UBE2H: variants seen among roughly 807,000 people sequenced by gnomAD.
The protein encoded by UBE2H is ubiquitin-conjugating enzyme E2 H.
Under a neutral mutation model 29.0 loss-of-function variants are expected in UBE2H, and 3 were observed. The observed-to-expected ratio is 0.10, with a 90% CI of 0.05 to 0.27. UBE2H has a LOEUF of 0.27. Ranked by LOEUF, UBE2H falls within the 10% of genes least tolerant of loss-of-function variation. UBE2H has a pLI of 1.00. For missense variants in UBE2H, 68 were observed against 228.2 expected (o/e 0.30, Z 4.52); for synonymous variants, 69 against 82.9 (o/e 0.83, Z 0.91).
At chr7:129,849,701 T>C (rs529853843) in intron 5 of UBE2H, among the ~76,000 whole-genome samples, 1 of 152,336 alleles carries the variant, frequency 6.6e-6, no homozygotes, top group South Asian at 2.1e-4. Flanking sequence ...CCAGACTTCC[T>C]GCAGTGCTGT....
Position 129,877,410 on chromosome 7 carries a change from G to C in UBE2H, c.205+2158C>G, listed in dbSNP as rs1806167142. On this transcript the variant is annotated intron_variant, in intron 3 of 6. Coordinates refer to ENST00000355621, the MANE Select transcript of UBE2H (RefSeq NM_003344.4). Reference sequence around the variant, plus strand: ...AGGAATCCTTGCCTTTTCTAAGTGAGCCACAACCTTTCTGAATGCTTAAAG... The same window carrying C: ...AGGAATCCTTGCCTTTTCTAAGTGACCCACAACCTTTCTGAATGCTTAAAG... Among the ~76,000 whole-genome samples, 3 of 152,126 alleles carry C rather than the reference G, an allele frequency of 2.0e-5. No homozygotes were observed. In the South Asian group the frequency reaches 6.2e-4, roughly 32 times the overall value.
chr7:129,922,523 C>T (rs1049040895), intron 1 of UBE2H, among the ~76,000 whole-genome samples: 1 of 152,126 alleles, frequency 6.6e-6, no homozygotes, highest in Non-Finnish European at 1.5e-5. Context: ...GTGATCCACC[C>T]GCCTCGGCTT....
At chr7:129,858,378 T>C (rs879672520) in intron 4 of UBE2H, among the ~76,000 whole-genome samples, 3 of 152,028 alleles carry the variant, frequency 2.0e-5, no homozygotes, top group Non-Finnish European at 4.4e-5. Flanking sequence ...CAAATTAAAA[T>C]TGCATCCCAA....
At chr7:129,838,674 C>T (rs1805372877) in intron 6 of UBE2H, among the ~76,000 whole-genome samples, 1 of 152,100 alleles carries the variant, frequency 6.6e-6, no homozygotes, top group Admixed American at 6.6e-5. Context: ...GAATCTTGCT[C>T]TGTCACCCAG....
intron 5 of UBE2H, among the ~76,000 whole-genome samples, chr7:129,848,711 T>C (rs1461254776): frequency 1.3e-5 from 2 of 152,228 alleles, no homozygotes; most frequent in Non-Finnish European, 2.9e-5. Context: ...CGTCATGAAC[T>C]GCCACGCAAG....
chr7:129,887,355 G>A (rs1806384849), intron 1 of UBE2H, among the ~76,000 whole-genome samples: 1 of 151,644 alleles, frequency 6.6e-6, no homozygotes, highest in South Asian at 2.1e-4. Flanking sequence ...CCGAGTAGCT[G>A]GGATTACAGG....
chr7:129,848,366 C>T (rs1033487994), intron 5 of UBE2H, among the ~76,000 whole-genome samples: 1 of 152,248 alleles, frequency 6.6e-6, no homozygotes, highest in Non-Finnish European at 1.5e-5. Flanking sequence ...AGGAGGACTC[C>T]TGGCTTTCCA....
chr7:129,931,679 C>T (rs919505058), intron 1 of UBE2H, among the ~76,000 whole-genome samples: 1 of 152,034 alleles, frequency 6.6e-6, no homozygotes, highest in Non-Finnish European at 1.5e-5. Flanking sequence ...GAAAAGAGTA[C>T]TTTAACAGAC....
At chr7:129,881,243 T>G (rs2116373153) in intron 1 of UBE2H, among the ~76,000 whole-genome samples, 1 of 152,352 alleles carries the variant, frequency 6.6e-6, no homozygotes, top group East Asian at 1.9e-4. Context: ...GTTTACTCCC[T>G]GAGTCTTTGT....
intron 1 of UBE2H, among the ~76,000 whole-genome samples, chr7:129,935,720 C>T (rs964373967): frequency 6.6e-6 from 1 of 152,122 alleles, no homozygotes; most frequent in Non-Finnish European, 1.5e-5. Flanking sequence ...ACAGACATTA[C>T]TAGGCTGTTG....
At chr7:129,840,818 C>G (rs1353904273) in intron 5 of UBE2H, among the ~76,000 whole-genome samples, 1 of 152,196 alleles carries the variant, frequency 6.6e-6, no homozygotes, top group Non-Finnish European at 1.5e-5. Flanking sequence ...TCAGCTCTTT[C>G]AACCAATTTT....
Position 129,910,844 on chromosome 7 carries a change from C to T in UBE2H, c.54-29873G>A, listed in dbSNP as rs368969046. 7.2e-5 allele frequency among the ~76,000 whole-genome samples: 11 copies of T among 151,962 alleles called. No individual in the cohort carries two copies. The East Asian group carries it at 1.2e-3, about 16-fold the overall frequency. On this transcript the variant is annotated intron_variant, in intron 1 of 6. Transcript: ENST00000355621. ...TTGCAGTGAGCAGAGAGCACACCAC[C>T]GTACTCCAGCCTGGGTGACAGAGTA...
At chr7:129,849,185 T>C (rs1375977672) in intron 5 of UBE2H, among the ~76,000 whole-genome samples, 2 of 152,010 alleles carry the variant, frequency 1.3e-5, no homozygotes, top group Non-Finnish European at 2.9e-5. Context: ...CCCTAAAAGA[T>C]GACAGACAGC....
intron 1 of UBE2H, among the ~76,000 whole-genome samples, chr7:129,887,542 C>A (rs1806388855): frequency 6.6e-6 from 1 of 152,076 alleles, no homozygotes; most frequent in East Asian, 1.9e-4. Flanking sequence ...ATTAATGAGG[C>A]CCATGCCTGG....
chr7:129,892,453 T>C (rs1223059006), intron 1 of UBE2H, among the ~76,000 whole-genome samples: 4 of 149,762 alleles, frequency 2.7e-5, no homozygotes, highest in African/African-American at 4.9e-5. Context: ...GGTTTTGCCA[T>C]ATTGTCCAGG....
Position 129,839,106 on chromosome 7 carries a change from A to C in UBE2H, c.427+101T>G, listed in dbSNP as rs1805380912. Reference sequence around the variant, plus strand: ...CAGCTGTCTCTTTTTAGGCCTAAGAAAAAGTATTAGGAACTAAGTAATTTA... The same window carrying C: ...CAGCTGTCTCTTTTTAGGCCTAAGACAAAGTATTAGGAACTAAGTAATTTA... On this transcript the variant is annotated intron_variant, in intron 6 of 6. Transcript: ENST00000355621. 2.6e-6 allele frequency: 4 copies of C among 1,510,302 alleles called. No homozygotes were observed. In the African/African-American group the frequency reaches 5.6e-5, roughly 21 times the overall value. 93.6% of individuals were successfully genotyped at this position (1,510,302 alleles called of 1,614,324 possible).
intron 5 of UBE2H, among the ~76,000 whole-genome samples, chr7:129,849,990 A>G (rs745315202): frequency 5.3e-5 from 8 of 152,142 alleles, no homozygotes; most frequent in Non-Finnish European, 8.8e-5. Flanking sequence ...AAAACAAAAT[A>G]AAAAAACAGA....
At chr7:129,857,734 T>TGTC (rs1805731569) in intron 4 of UBE2H, among the ~76,000 whole-genome samples, 171 bp from the exon 5 acceptor site, 1 of 152,188 alleles carries the variant, frequency 6.6e-6, no homozygotes, top group South Asian at 2.1e-4. Flanking sequence ...GGTCTTGAAG[T>TGTC]GTCACCTTAC....
chr7:129,897,068 T>C (rs1806614395), intron 1 of UBE2H, among the ~76,000 whole-genome samples: 1 of 152,152 alleles, frequency 6.6e-6, no homozygotes. Flanking sequence ...TTACATTACA[T>C]TCAGCGCACC....
Sources: allele counts gnomAD v4.1 joint callset (sites outside exome capture counted in the v4.1 genomes callset), GRCh38; gene constraint gnomAD v4.1.1; transcripts MANE v1.5; gene names NCBI Gene and HGNC (gene_info 2026-07-23, HGNC 2026-07-21).